Variants in PEPD observed in about 807,000 individuals in gnomAD.
PEPD encodes the protein peptidase D, also known as xaa-Pro dipeptidase.
Under a neutral mutation model 60.7 loss-of-function variants are expected in PEPD, and 53 were observed. The observed-to-expected ratio is 0.87, with a 90% CI of 0.70 to 1.10. The LOEUF is 1.10. Ranked by LOEUF, PEPD falls within the 50% of genes least tolerant of loss-of-function variation. PEPD has a pLI of 0.00. For missense variants in PEPD, 711 were observed against 711.9 expected (o/e 1.00, Z 0.01); for synonymous variants, 267 against 284.1 (o/e 0.94, Z 0.60).
At chr19:33,413,408 G>A (rs1302778009) in intron 10 of PEPD, among the ~76,000 whole-genome samples, 167 bp downstream of exon 10, 7 of 152,146 alleles carry the variant, frequency 4.6e-5, no homozygotes, top group African/African-American at 1.2e-4. Flanking sequence ...CCTCAGCTCC[G>A]GGAGTCTTGG....
intron 9 of PEPD, among the ~76,000 whole-genome samples, chr19:33,450,946 T>C (rs976796157): frequency 3.9e-5 from 6 of 152,184 alleles, no homozygotes; most frequent in African/African-American, 1.2e-4. Context: ...CCCCTTTCCA[T>C]AGCAATGACT....
chr19:33,473,274 A>G (rs74633100), intron 7 of PEPD, among the ~76,000 whole-genome samples: 1,844 of 152,244 alleles, frequency 0.012, 39 homozygotes, highest in African/African-American at 0.041. Flanking sequence ...AAGATGAGCA[A>G]TGCTACTGGA....
At chr19:33,518,073 G>A (rs1439748275) in intron 1 of PEPD, among the ~76,000 whole-genome samples, 1 of 152,158 alleles carries the variant, frequency 6.6e-6, no homozygotes, top group Non-Finnish European at 1.5e-5. Context: ...CCAGCGTGGG[G>A]CCAGGCACCA....
At chr19:33,468,703 C>T (rs189278909) in intron 7 of PEPD, among the ~76,000 whole-genome samples, 246 of 152,296 alleles carry the variant, frequency 1.6e-3, no homozygotes, top group African/African-American at 5.5e-3. Flanking sequence ...TGCAGCGCAG[C>T]GACACCTTCC....
intron 3 of PEPD, among the ~76,000 whole-genome samples, chr19:33,504,355 A>G (rs1970762234): frequency 1.3e-5 from 2 of 152,208 alleles, no homozygotes; most frequent in Admixed American, 1.3e-4. Context: ...CAGGCTGGCC[A>G]GGGCAGGAGG....
At chr19:33,391,543 G>A (rs1968222044) in intron 12 of PEPD, 64 bp from the exon 13 acceptor site, 1 of 1,430,258 alleles carries the variant, frequency 7.0e-7, no homozygotes, top group Admixed American at 2.0e-5. Context: ...AGGGCCAGGG[G>A]CTGGGAGATG....
intron 9 of PEPD, among the ~76,000 whole-genome samples, chr19:33,441,464 G>A (rs933257442): frequency 4.4e-4 from 67 of 152,348 alleles, no homozygotes; most frequent in African/African-American, 1.6e-3. Flanking sequence ...CAGTCCCGGG[G>A]AGGCCGCCAC....
rs756503700 is a variant in PEPD, at chr19:33,500,933, C to T, written c.393+5G>A. 3.8e-6 allele frequency: 6 copies of T among 1,566,372 alleles called. No individual in the cohort carries two copies. The highest frequency in any genetic ancestry group is 1.1e-5 in the South Asian group (1 of 90,104). On this transcript the variant is annotated splice_donor_5th_base_variant and intron_variant, in intron 4 of 14. Coordinates refer to ENST00000244137, the MANE Select transcript of PEPD (RefSeq NM_000285.4). Reference sequence around the variant, plus strand: ...GGCTGCTCAGAGGAGGAGCCGGCTACCCACCTCATCTACGTACTGGACGTC... The same window carrying T: ...GGCTGCTCAGAGGAGGAGCCGGCTATCCACCTCATCTACGTACTGGACGTC...
intron 7 of PEPD, among the ~76,000 whole-genome samples, chr19:33,470,839 C>T (rs931830827): frequency 6.6e-6 from 1 of 152,154 alleles, no homozygotes; most frequent in African/African-American, 2.4e-5. Flanking sequence ...AGGGGCAAAG[C>T]CTCCTCAGGC....
chr19:33,417,035 C>A (rs1398314054), intron 9 of PEPD, among the ~76,000 whole-genome samples: 1 of 152,220 alleles, frequency 6.6e-6, no homozygotes, highest in Non-Finnish European at 1.5e-5. Context: ...CACGGCCCAG[C>A]TCCTGCCCTC....
chr19:33,394,253 A>G (rs1210514764), intron 12 of PEPD, among the ~76,000 whole-genome samples: 2 of 152,222 alleles, frequency 1.3e-5, no homozygotes, highest in Admixed American at 1.3e-4. Flanking sequence ...AGCCCCGGGA[A>G]GTGCAGCCAG....
At chr19:33,477,977 A>T (rs368437163) in intron 7 of PEPD, 69 bp downstream of exon 7, 2 of 1,053,546 alleles carry the variant, frequency 1.9e-6, no homozygotes, top group Non-Finnish European at 3.0e-6. Context: ...GTGGGCAGGA[A>T]CAACAGGGCA....
At position 33,387,259 on chromosome 19, in the gene PEPD, A is replaced by G; in HGVS notation, c.*85T>C. The G allele has an allele frequency of 6.6e-7, 1 of 1,515,006 alleles. No homozygotes were observed. The highest frequency in any genetic ancestry group is 1.4e-5 in the African/African-American group (1 of 73,302). The allele number at this position is 1,515,006 out of a possible 1,614,324, so 93.8% of individuals were successfully genotyped here. On this transcript the variant is annotated 3_prime_UTR_variant, in exon 15 of 15. Transcript: ENST00000244137. ...CTGATTCTGGGTGCCGTCTCTCGCTACTGGAGTGCTGACCAGCAGGCTGCC... is the reference window on the plus strand; with the variant it reads ...CTGATTCTGGGTGCCGTCTCTCGCTGCTGGAGTGCTGACCAGCAGGCTGCC...
At chr19:33,428,710 C>T (rs1727851717) in intron 9 of PEPD, among the ~76,000 whole-genome samples, 1 of 152,204 alleles carries the variant, frequency 6.6e-6, no homozygotes, top group South Asian at 2.1e-4. Flanking sequence ...TTCAGCCTGG[C>T]ACCCTCCCGT....
intron 13 of PEPD, 57 bp downstream of exon 13, chr19:33,391,238 G>A: frequency 7.0e-7 from 1 of 1,421,042 alleles, no homozygotes; most frequent in Non-Finnish European, 9.8e-7. Context: ...TGCCCTGGGG[G>A]TCAGGCTCAG....
intron 9 of PEPD, among the ~76,000 whole-genome samples, chr19:33,451,070 G>A (rs993135036): frequency 6.6e-6 from 1 of 152,302 alleles, no homozygotes; most frequent in East Asian, 1.9e-4. Flanking sequence ...CCTGAGCTGC[G>A]GCTCTCAGCA....
chr19:33,463,065 G>A, intron 8 of PEPD, 24 bp from the exon 9 acceptor site: 1 of 1,469,514 alleles, frequency 6.8e-7, no homozygotes, highest in Non-Finnish European at 9.5e-7. Context: ...ATTAAGCAAA[G>A]ACATTTGTAT....
intron 6 of PEPD, among the ~76,000 whole-genome samples, chr19:33,487,562 G>A (rs931340211): frequency 5.9e-5 from 9 of 152,344 alleles, no homozygotes; most frequent in South Asian, 2.1e-4. Context: ...AGCCCAAGGC[G>A]TAGGTGCGGA....
chr19:33,405,922 G>A (rs765128072), intron 11 of PEPD, among the ~76,000 whole-genome samples: 22 of 152,270 alleles, frequency 1.4e-4, no homozygotes, highest in Admixed American at 1.3e-3. Context: ...TGGTGCACGC[G>A]GTGGGTGACG....
Sources: gnomAD v4.1 joint callset for allele counts (sites outside exome capture counted in the v4.1 genomes callset) on GRCh38, gnomAD v4.1.1 for gene constraint, MANE v1.5 for transcripts, NCBI Gene and HGNC (gene_info 2026-07-23, HGNC 2026-07-21) for gene names.